FILIP1: variants seen among roughly 807,000 people sequenced by gnomAD.
FILIP1 encodes filamin-A-interacting protein 1.
Under a neutral mutation model 102.1 loss-of-function variants are expected in FILIP1, and 61 were observed. That is an observed-to-expected ratio of 0.60 (90% confidence interval 0.49 to 0.74). The LOEUF (loss-of-function observed/expected upper bound fraction) is 0.74. FILIP1 is among the 30% of genes least tolerant of loss of function. The pLI is 0.00. For synonymous variants in FILIP1, 491 were observed against 526.9 expected (o/e 0.93, Z 0.93); for missense variants, 1,314 against 1,441.2 (o/e 0.91, Z 1.43).
intron 2 of FILIP1, among the ~76,000 whole-genome samples, chr6:75,372,686 A>G (rs865976184): frequency 3.7e-5 from 1 of 27,188 alleles, no homozygotes; most frequent in Admixed American, 3.6e-4. Context: ...AGAAAGAAAG[A>G]GAAAGAAAGA....
At chr6:75,392,608 C>T (rs1776311905) in intron 2 of FILIP1, among the ~76,000 whole-genome samples, 1 of 152,122 alleles carries the variant, frequency 6.6e-6, no homozygotes, top group South Asian at 2.1e-4. Flanking sequence ...ATGAGCTCTT[C>T]TACACAATTT....
intron 3 of FILIP1, chr6:75,360,944 A>G (rs1347174156): frequency 2.6e-5 from 4 of 152,128 alleles, no homozygotes; most frequent in Non-Finnish European, 5.9e-5. Context: ...GTTAATTTAA[A>G]AGGTTAACAG....
chr6:75,418,484 A>G (rs1777345584), intron 1 of FILIP1, among the ~76,000 whole-genome samples: 1 of 152,234 alleles, frequency 6.6e-6, no homozygotes, highest in Non-Finnish European at 1.5e-5. Flanking sequence ...TTACAGACTC[A>G]TTGTGTTAAA....
At chr6:75,327,587 T>C (rs1773911984) in intron 4 of FILIP1, among the ~76,000 whole-genome samples, 1 of 72,250 alleles carries the variant, frequency 1.4e-5, no homozygotes, top group African/African-American at 6.1e-5. Flanking sequence ...TATATAAATA[T>C]AAAATAAAAA....
intron 1 of FILIP1, among the ~76,000 whole-genome samples, chr6:75,439,839 A>T (rs963215460): frequency 2.0e-5 from 3 of 152,232 alleles, no homozygotes; most frequent in African/African-American, 7.2e-5. Context: ...GCCATTGTTA[A>T]GAAGTAATTC....
At position 75,308,699 on chromosome 6, in the gene FILIP1, TC is replaced by T. The variant is rs748920264; in HGVS notation, c.3633del (p.Lys1212ArgfsTer7). The T allele has an allele frequency of 5.6e-6, 9 of 1,612,646 alleles. No homozygotes were observed. The highest frequency in any genetic ancestry group is 1.1e-5 in the South Asian group (1 of 91,016). On this transcript the variant is annotated frameshift_variant, in exon 6 of 6. Transcript: ENST00000237172. LOFTEE classifies it high-confidence loss of function. ...CCCCTTAGCCACTGCCCTCAGCCCT[TC>T]CCCCCTCCGAGAGAGGTGGTGCTGC... ...AASSTTSLGGGKG is the reference protein window; with the variant it reads ...AASSTTSLGGXKG
chr6:75,421,663 T>G (rs1249137249), intron 1 of FILIP1, among the ~76,000 whole-genome samples: 1 of 152,196 alleles, frequency 6.6e-6, no homozygotes, highest in Non-Finnish European at 1.5e-5. Context: ...GTAGCACATC[T>G]AGTTTGTATC....
At chr6:75,469,960 A>G (rs958100507) in intron 1 of FILIP1, among the ~76,000 whole-genome samples, 1 of 152,080 alleles carries the variant, frequency 6.6e-6, no homozygotes, top group African/African-American at 2.4e-5. Flanking sequence ...CTACCCCAAA[A>G]TACAGCAAAC....
chr6:75,426,459 T>G (rs555160322), intron 1 of FILIP1, among the ~76,000 whole-genome samples: 11 of 152,152 alleles, frequency 7.2e-5, no homozygotes, highest in Non-Finnish European at 1.5e-4. Flanking sequence ...TATGTGACTG[T>G]AGAAAGGAGG....
At chr6:75,438,946 A>G (rs1456865449) in intron 1 of FILIP1, among the ~76,000 whole-genome samples, 2 of 152,338 alleles carry the variant, frequency 1.3e-5, no homozygotes, top group Non-Finnish European at 2.9e-5. Flanking sequence ...AACGACTCCA[A>G]TAGGAAAAAC....
In FILIP1 at chr6:75,314,075, G is replaced by T; in HGVS notation, c.1757C>A (p.Ser586Tyr). Residue 586 changes from serine to tyrosine, a missense_variant, in exon 5 of 6, where the codon TCC becomes TAC. Physicochemically the swap from Ser to Tyr is moderately radical, Grantham distance 144. This residue lies in a region of FILIP1 where 816 missense variants were observed against 913.1 expected (regional missense o/e 0.89). Transcript: ENST00000237172. ...GTCAACACTGCAGCTTAATTCAGAG[G>T]ATTTTTCTTCTTCACTTTTCAATTT... ...IGKLKSEEEK[S>Y]SELSCSVDLL... The T allele has an allele frequency of 6.6e-7, 1 of 1,503,868 alleles. No individual in the cohort carries two copies. The highest frequency in any genetic ancestry group is 1.4e-5 in the South Asian group (1 of 70,392). The allele number at this position is 1,503,868 out of a possible 1,614,324, so 93.2% of individuals were successfully genotyped here. A position where few individuals can be genotyped will look rare whatever the true frequency, so the allele number is the denominator to read the frequency against.
chr6:75,307,502 A>G (rs575852653), downstream of FILIP1, among the ~76,000 whole-genome samples: 33 of 152,294 alleles, frequency 2.2e-4, no homozygotes, highest in African/African-American at 7.9e-4. Flanking sequence ...TGCAGCCTAC[A>G]TGAGATCTTG....
intron 4 of FILIP1, among the ~76,000 whole-genome samples, chr6:75,340,670 A>C (rs1407691994): frequency 6.6e-6 from 1 of 151,812 alleles, no homozygotes; most frequent in African/African-American, 2.4e-5. Context: ...TGGTTTCAAA[A>C]TTTGACTATT....
At chr6:75,396,868 G>A (rs549170626) in intron 2 of FILIP1, among the ~76,000 whole-genome samples, 2 of 152,128 alleles carry the variant, frequency 1.3e-5, no homozygotes, top group African/African-American at 4.8e-5. Context: ...CAGGTATTTT[G>A]TAGTCAGTAT....
intron 5 of FILIP1, among the ~76,000 whole-genome samples, chr6:75,310,527 G>A (rs1773146823): frequency 6.6e-6 from 1 of 152,192 alleles, no homozygotes; most frequent in South Asian, 2.1e-4. Context: ...AAAATAGGTG[G>A]ACCATTCAGA....
rs540692214 is a variant in FILIP1 at position 75,293,274 on chromosome 6, A to G, written c.*2636T>C. The G allele has an allele frequency of 2.6e-5, 4 of 152,326 alleles. No homozygotes were observed. The South Asian group carries it at 6.2e-4, about 24-fold the overall frequency. 9.4% of individuals were successfully genotyped at this position (152,326 alleles called of 1,614,324 possible). A position where few individuals can be genotyped will look rare whatever the true frequency, so the allele number is the denominator to read the frequency against. The stretch of plus-strand genomic sequence containing the variant: ...ATGACTGGAGACTTATTTACAAGAA[A>G]AGATAGAGAAATTTTATGAGCCTAG... On this transcript the variant is annotated 3_prime_UTR_variant, in exon 7 of 7. Transcript: ENST00000393004.
At chr6:75,483,154 C>T (rs77420405) in intron 1 of FILIP1, among the ~76,000 whole-genome samples, 5,514 of 152,238 alleles carry the variant, frequency 0.036, 358 homozygotes, top group African/African-American at 0.13. Flanking sequence ...CATAGAATTT[C>T]AAACTTACAG....
intron 4 of FILIP1, among the ~76,000 whole-genome samples, chr6:75,353,296 C>A (rs945104320): frequency 1.3e-5 from 2 of 152,124 alleles, no homozygotes; most frequent in African/African-American, 4.8e-5. Context: ...AGTTTCATGG[C>A]CTTTAACATC....
intron 1 of FILIP1, among the ~76,000 whole-genome samples, chr6:75,468,733 G>A (rs1222296805): frequency 6.6e-6 from 1 of 152,038 alleles, no homozygotes; most frequent in Non-Finnish European, 1.5e-5. Flanking sequence ...CACAATTTAA[G>A]GTCCAACCAA....
Sources: gnomAD v4.1 joint callset for allele counts (sites outside exome capture counted in the v4.1 genomes callset) on GRCh38, gnomAD v4.1.1 for gene constraint, gnomAD v4.1.1 regional missense constraint, MANE v1.5 for transcripts, NCBI Gene and HGNC (gene_info 2026-07-23, HGNC 2026-07-21) for gene names.